Variants in GNAS-AS1 observed in about 807,000 individuals in gnomAD.
GNAS-AS1 encodes the protein GNAS antisense RNA 1 (non-protein coding).
chr20:58,834,733 A>C (rs2085590829), intron 4 of GNAS-AS1: 1 of 152,248 alleles, frequency 6.6e-6, no homozygotes, highest in African/African-American at 2.4e-5. Flanking sequence ...CAGAGCACGA[A>C]GTGAAGAGAA....
At chr20:58,820,067 T>C (rs2085475566) in intron 4 of GNAS-AS1, among the ~76,000 whole-genome samples, 1 of 152,176 alleles carries the variant, frequency 6.6e-6, no homozygotes, top group Non-Finnish European at 1.5e-5. Flanking sequence ...GCCCCCAGGT[T>C]CTCAATCTCC....
chr20:58,850,604 C>G, exon 1 of GNAS-AS1: 1 of 398,990 alleles, frequency 2.5e-6, no homozygotes, highest in Non-Finnish European at 4.4e-6. Flanking sequence ...CGCAGTAAGC[C>G]CTCTCCTTGG....
chr20:58,821,063 G>C (rs2085483559), intron 4 of GNAS-AS1, among the ~76,000 whole-genome samples: 1 of 152,160 alleles, frequency 6.6e-6, no homozygotes, highest in South Asian at 2.1e-4. Flanking sequence ...AAGCCAGCAG[G>C]GCCCTGCTCA....
chr20:58,838,454 AG>A (rs1226133966), intron 4 of GNAS-AS1, among the ~76,000 whole-genome samples: 1 of 152,226 alleles, frequency 6.6e-6, no homozygotes, highest in African/African-American at 2.4e-5. Context: ...GTGGGTACAG[AG>A]GGATTCTGAC....
intron 4 of GNAS-AS1, among the ~76,000 whole-genome samples, chr20:58,835,335 A>G (rs954397162): frequency 6.6e-6 from 1 of 152,166 alleles, no homozygotes; most frequent in Non-Finnish European, 1.5e-5. Context: ...TCATCTTAGA[A>G]AATGCATTGA....
At chr20:58,844,588 C>T (rs528965876) in intron 2 of GNAS-AS1, among the ~76,000 whole-genome samples, 3 of 152,138 alleles carry the variant, frequency 2.0e-5, no homozygotes, top group Admixed American at 6.5e-5. Context: ...AATGAGATCG[C>T]TGAATGAGAT....
chr20:58,823,383 C>T (rs1039661792), intron 4 of GNAS-AS1, among the ~76,000 whole-genome samples: 6 of 152,168 alleles, frequency 3.9e-5, no homozygotes, highest in African/African-American at 1.2e-4. Flanking sequence ...GTCATCAGTG[C>T]GAGCCAGTTC....
At chr20:58,826,081 A>AT in intron 4 of GNAS-AS1, 1 of 398,682 alleles carries the variant, frequency 2.5e-6, no homozygotes, top group East Asian at 3.6e-5. Context: ...TTTCATGCAG[A>AT]TAGTTCACCC....
At chr20:58,843,754 T>C (rs952914589) in intron 2 of GNAS-AS1, among the ~76,000 whole-genome samples, 1 of 152,228 alleles carries the variant, frequency 6.6e-6, no homozygotes, top group Admixed American at 6.5e-5. Flanking sequence ...AATGGAAATT[T>C]GCTTTTGTGG....
intron 4 of GNAS-AS1, chr20:58,834,192 G>T (rs1338686903): frequency 6.6e-6 from 1 of 152,210 alleles, no homozygotes; most frequent in Non-Finnish European, 1.5e-5. Context: ...CTCTGTCAGG[G>T]CTAGGGGCTA....
At chr20:58,830,082 A>G (rs1374745707) in intron 4 of GNAS-AS1, among the ~76,000 whole-genome samples, 1 of 151,964 alleles carries the variant, frequency 6.6e-6, no homozygotes, top group East Asian at 1.9e-4. Context: ...CTCTTTCTGC[A>G]TGGCTGGGCT....
chr20:58,830,576 CCACCACCACCACAAT>C (rs2085560489), intron 4 of GNAS-AS1, among the ~76,000 whole-genome samples: 1 of 122,590 alleles, frequency 8.2e-6, no homozygotes. Context: ...CACCACCACA[CCACCACCACCACAAT>C]CACCACCACC....
chr20:58,842,479 C>T (rs1467324408), exon 3 of GNAS-AS1: 2 of 398,602 alleles, frequency 5.0e-6, no homozygotes, highest in Non-Finnish European at 4.4e-6. Flanking sequence ...AAAGGCGTCG[C>T]GGCGCCCAAG....
At chr20:58,848,754 T>C (rs2086039854) in intron 2 of GNAS-AS1, 5 of 395,502 alleles carry the variant, frequency 1.3e-5, no homozygotes, top group Non-Finnish European at 1.8e-5. Flanking sequence ...GCTCTTACTA[T>C]ACCGGATTCC....
intron 4 of GNAS-AS1, among the ~76,000 whole-genome samples, chr20:58,827,503 T>C (rs568400190): frequency 6.6e-6 from 1 of 152,298 alleles, no homozygotes; most frequent in African/African-American, 2.4e-5. Context: ...ACTTGTGACA[T>C]TTACATGGAG....
chr20:58,825,086 T>C (rs1479335849), intron 4 of GNAS-AS1, among the ~76,000 whole-genome samples: 3 of 152,214 alleles, frequency 2.0e-5, no homozygotes, highest in Admixed American at 1.3e-4. Context: ...GCAAATGTCA[T>C]GGTAAAGGCA....
At chr20:58,834,131 G>C (rs1176802268) in intron 4 of GNAS-AS1, 1 of 152,264 alleles carries the variant, frequency 6.6e-6, no homozygotes, top group East Asian at 1.9e-4. Context: ...CCAGAAGTCT[G>C]ATGGGGTGAG....
intron 4 of GNAS-AS1, among the ~76,000 whole-genome samples, chr20:58,838,354 C>T (rs1283119973): frequency 6.6e-6 from 1 of 152,180 alleles, no homozygotes; most frequent in Non-Finnish European, 1.5e-5. Context: ...TTGCAGAGTA[C>T]AACAACACGA....
Position 58,841,794 on chromosome 20 carries a change from G to A in GNAS-AS1, n.819+143C>T, listed in dbSNP as rs2085740863. ...TTGGCGCAGCTGGTCGGGTGGCCAGGCTGCATGCGGCTTAGCAGGAGACGT... is the reference window on the plus strand; with the variant it reads ...TTGGCGCAGCTGGTCGGGTGGCCAGACTGCATGCGGCTTAGCAGGAGACGT... On this transcript the variant is annotated intron_variant and non_coding_transcript_variant, in intron 4 of 4. Transcript: ENST00000424094. The surrounding 1 kb of genome is among the most constrained non-coding windows in gnomAD (Gnocchi z 5.0). The A allele has an allele frequency of 8.1e-7, 1 of 1,230,726 alleles. No individual in the cohort carries two copies. Among genetic ancestry groups the A allele is most frequent in the African/African-American group, 1.5e-5 (1 of 64,558 alleles). The allele number at this position is 1,230,726 out of a possible 1,614,324, so 76.2% of individuals were successfully genotyped here. A position where few individuals can be genotyped will look rare whatever the true frequency, so the allele number is the denominator to read the frequency against.
Sources: allele counts gnomAD v4.1 joint callset (sites outside exome capture counted in the v4.1 genomes callset), GRCh38; gene constraint gnomAD v4.1.1; non-coding constraint Gnocchi (gnomAD v3.1); transcripts MANE v1.5; gene names NCBI Gene and HGNC (gene_info 2026-07-23, HGNC 2026-07-21).